The following SLC1A1 variants were observed in gnomAD, a reference collection of about 807,000 sequenced individuals.
The protein encoded by SLC1A1 is solute carrier family 1 member 1.
In SLC1A1, 43 loss-of-function variants were observed where a neutral mutation model predicts 53.3. The ratio of observed to expected loss-of-function variants is 0.81; its 90% CI spans 0.63 to 1.04. The LOEUF is 1.04. Ranked by LOEUF, SLC1A1 falls within the 50% of genes least tolerant of loss-of-function variation. SLC1A1 has a pLI of 0.00. For synonymous variants in SLC1A1, 307 were observed against 243.2 expected (o/e 1.26, Z -2.44); for missense variants, 748 against 664.9 (o/e 1.12, Z -1.37).
intron 1 of SLC1A1, among the ~76,000 whole-genome samples, chr9:4,528,448 T>C (rs896302379): frequency 3.9e-5 from 6 of 152,048 alleles, no homozygotes; most frequent in South Asian, 2.1e-4. Context: ...TGGTGGCCGG[T>C]GCCTGTAGTC....
At chr9:4,544,797 G>A in intron 2 of SLC1A1, 90 bp downstream of exon 2, 1 of 1,124,358 alleles carries the variant, frequency 8.9e-7, no homozygotes. Context: ...ATAAAGGAAA[G>A]AGGTTTAATT....
chr9:4,490,856 C>T, intron 1 of SLC1A1, 86 bp downstream of exon 1: 1 of 1,141,560 alleles, frequency 8.8e-7, no homozygotes, highest in Non-Finnish European at 1.3e-6. Flanking sequence ...GGGCTTGGCG[C>T]TGGCGCACTC....
chr9:4,508,931 A>C (rs1215438801), intron 1 of SLC1A1, among the ~76,000 whole-genome samples: 1 of 152,078 alleles, frequency 6.6e-6, no homozygotes, highest in African/African-American at 2.4e-5. Context: ...TGGGAGCTTG[A>C]GATGAAAGGG....
rs999678466 is a variant in SLC1A1 at position 4,574,100 on chromosome 9, C to T, written c.875+86C>T. ...GAGGTTGGGTTTCAGTTGGTTAAAACTGGCTTCTGCCCTATGTGCTGGGAA... is the reference window on the plus strand; with the variant it reads ...GAGGTTGGGTTTCAGTTGGTTAAAATTGGCTTCTGCCCTATGTGCTGGGAA... On this transcript the variant is annotated intron_variant, in intron 8 of 11. Coordinates refer to ENST00000262352, the MANE Select transcript of SLC1A1 (RefSeq NM_004170.6). 39 of 891,062 alleles carry T rather than the reference C, an allele frequency of 4.4e-5. No individual in the cohort carries two copies. The Middle Eastern group carries it at 1.3e-3, about 30-fold the overall frequency. 55.2% of individuals were successfully genotyped at this position (891,062 alleles called of 1,614,324 possible). A position where few individuals can be genotyped will look rare whatever the true frequency, so the allele number is the denominator to read the frequency against.
chr9:4,502,389 GAAAAA>G (rs775499017), intron 1 of SLC1A1, among the ~76,000 whole-genome samples: 3 of 56,490 alleles, frequency 5.3e-5, no homozygotes, highest in African/African-American at 1.5e-4. Context: ...CCTGTCTCCA[GAAAAA>G]AAAAAAAAAA....
chr9:4,575,365 C>A (rs1820448103), intron 8 of SLC1A1, among the ~76,000 whole-genome samples: 1 of 152,086 alleles, frequency 6.6e-6, no homozygotes, highest in African/African-American at 2.4e-5. Flanking sequence ...TTTGAGAAGG[C>A]AGGAATAACA....
At chr9:4,585,163 G>T in intron 11 of SLC1A1, 149 bp from the exon 12 acceptor site, 4 of 999,332 alleles carry the variant, frequency 4.0e-6, no homozygotes, top group Non-Finnish European at 6.1e-6. Flanking sequence ...CCCCAGGCCT[G>T]TGAGGAGCCT....
At chr9:4,494,153 G>T (rs1820330282) in intron 1 of SLC1A1, among the ~76,000 whole-genome samples, 1 of 152,132 alleles carries the variant, frequency 6.6e-6, no homozygotes, top group Non-Finnish European at 1.5e-5. Flanking sequence ...CTTATTCTCT[G>T]CTTCCATAGA....
intron 10 of SLC1A1, among the ~76,000 whole-genome samples, chr9:4,579,354 G>A (rs1354222816): frequency 5.3e-5 from 8 of 152,212 alleles, no homozygotes. Flanking sequence ...CTCACCCTGG[G>A]CTGTGGAACC....
chr9:4,572,802 T>A (rs557349395), intron 7 of SLC1A1, among the ~76,000 whole-genome samples: 51 of 152,100 alleles, frequency 3.4e-4, no homozygotes, highest in African/African-American at 1.2e-3. Context: ...ACCCACTTCA[T>A]CCTCCCAAAA....
intron 1 of SLC1A1, among the ~76,000 whole-genome samples, chr9:4,518,274 CT>C (rs1402095775): frequency 1.0e-4 from 14 of 134,452 alleles, no homozygotes; most frequent in Non-Finnish European, 1.9e-4. Context: ...GAAGTCCTTA[CT>C]TTTTTTTTGA....
chr9:4,559,881 C>A (rs747991584), intron 2 of SLC1A1: 1 of 152,138 alleles, frequency 6.6e-6, no homozygotes, highest in East Asian at 1.9e-4. Context: ...CGTCCAAGTC[C>A]AATTGGAGAA....
intron 2 of SLC1A1, among the ~76,000 whole-genome samples, chr9:4,557,772 G>A (rs775749237): frequency 3.3e-5 from 5 of 152,186 alleles, no homozygotes; most frequent in Non-Finnish European, 7.3e-5. Flanking sequence ...TCATCAGGAA[G>A]CTCTACTGGG....
In SLC1A1 at chr9:4,510,111, G is replaced by A. The variant is rs756757692; in HGVS notation, c.91+19341G>A. Among the ~76,000 whole-genome samples the A allele has an allele frequency of 2.4e-4, 37 of 152,216 alleles. 1 individual carries two copies. The highest frequency in any genetic ancestry group is 4.9e-4 in the Non-Finnish European group (33 of 68,028). On this transcript the variant is annotated intron_variant, in intron 1 of 11. Transcript: ENST00000262352. ...GGCCTCCCAAAGTGCTGGGATTACA[G>A]GCATGAGCCACTACGCCCAGTCTAT...
intron 1 of SLC1A1, among the ~76,000 whole-genome samples, chr9:4,537,704 G>C (rs1816730657): frequency 6.6e-6 from 1 of 151,868 alleles, no homozygotes; most frequent in South Asian, 2.1e-4. Flanking sequence ...ACATTTATAG[G>C]AAATGCCAGA....
chr9:4,496,482 A>T (rs777172402), intron 1 of SLC1A1, among the ~76,000 whole-genome samples: 5 of 151,990 alleles, frequency 3.3e-5, no homozygotes, highest in African/African-American at 4.8e-5. Context: ...AGCCTCCCAA[A>T]GTGCTAGGAT....
intron 1 of SLC1A1, among the ~76,000 whole-genome samples, chr9:4,496,417 G>A (rs761101385): frequency 1.5e-4 from 23 of 152,000 alleles, no homozygotes; most frequent in Non-Finnish European, 2.6e-4. Flanking sequence ...ACAGGGTCTC[G>A]TTTTGTTGCC....
At chr9:4,574,570 TGGAA>T (rs1820371362) in intron 8 of SLC1A1, among the ~76,000 whole-genome samples, 2 of 152,086 alleles carry the variant, frequency 1.3e-5, no homozygotes, top group Non-Finnish European at 2.9e-5. Flanking sequence ...TGGGCCTTTT[TGGAA>T]GCCATTAAAC....
chr9:4,497,252 C>G (rs183510589), intron 1 of SLC1A1, among the ~76,000 whole-genome samples: 1 of 152,100 alleles, frequency 6.6e-6, no homozygotes, highest in African/African-American at 2.4e-5. Context: ...AACAGAGGCA[C>G]AGAGAATTAA....
Sources: gnomAD v4.1 joint callset for allele counts (sites outside exome capture counted in the v4.1 genomes callset) on GRCh38, gnomAD v4.1.1 for gene constraint, MANE v1.5 for transcripts, NCBI Gene and HGNC (gene_info 2026-07-23, HGNC 2026-07-21) for gene names.